The following ZDHHC3 variants were observed in gnomAD, a reference collection of about 807,000 sequenced individuals.
ZDHHC3 encodes the protein palmitoyltransferase ZDHHC3.
Under a neutral mutation model 30.6 loss-of-function variants are expected in ZDHHC3, and 9 were observed. The ratio of observed to expected loss-of-function variants is 0.29; its 90% CI spans 0.18 to 0.51. The LOEUF (loss-of-function observed/expected upper bound fraction) is 0.51, where lower values mean the gene tolerates loss of function less well. Among genes scored for constraint, ZDHHC3 ranks in the 20% least tolerant of loss-of-function variants. The pLI is 0.97. For synonymous variants in ZDHHC3, 136 were observed against 140.2 expected (o/e 0.97, Z 0.21); for missense variants, 246 against 384.2 (o/e 0.64, Z 3.01).
chr3:44,929,207 T>C (rs1192692623), intron 6 of ZDHHC3, 99 bp downstream of exon 6: 1 of 1,483,076 alleles, frequency 6.7e-7, no homozygotes, highest in African/African-American at 1.4e-5. Flanking sequence ...GCCTGACCAC[T>C]GGGCTCCAGT....
intron 1 of ZDHHC3, among the ~76,000 whole-genome samples, chr3:44,973,860 C>T (rs541759597): frequency 1.3e-5 from 2 of 152,238 alleles, no homozygotes; most frequent in African/African-American, 4.8e-5. Flanking sequence ...ATACACAAAC[C>T]TACAGAATAG....
At chr3:44,973,485 T>A (rs1705575278) in intron 1 of ZDHHC3, among the ~76,000 whole-genome samples, 1 of 152,048 alleles carries the variant, frequency 6.6e-6, no homozygotes, top group African/African-American at 2.4e-5. Context: ...TGAGATGGAG[T>A]TTCGCTCTTG....
Position 44,971,110 on chromosome 3 carries a change from A to G in ZDHHC3, c.-25+4823T>C, listed in dbSNP as rs191464469. ...TGGTTTAGAAACATACACTTCACAT[A>G]CTGAAGACTTTACTGCAACAGGACT... On this transcript the variant is annotated intron_variant, in intron 1 of 6. Coordinates refer to ENST00000424952, the MANE Select transcript of ZDHHC3 (RefSeq NM_001135179.2). Among the ~76,000 whole-genome samples, 59 of 152,322 alleles carry G rather than the reference A, an allele frequency of 3.9e-4. No individual in the cohort carries two copies. The East Asian group carries it at 9.1e-3, about 23-fold the overall frequency.
chr3:44,976,131 C>G lies in ZDHHC3; in HGVS notation c.-223G>C, dbSNP rs1012961773. The G allele has an allele frequency of 3.6e-6, 2 of 561,014 alleles. No individual in the cohort carries two copies. The highest frequency in any genetic ancestry group is 4.0e-5 in the African/African-American group (2 of 50,236). The allele number at this position is 561,014 out of a possible 1,614,324, so 34.8% of individuals were successfully genotyped here. On this transcript the variant is annotated 5_prime_UTR_variant, in exon 1 of 7. Transcript: ENST00000424952. ...GGAGAAGCCCATCGAGCTCTCCCGGCAGTGGCGGCGGCCGCGGCTGCAGGA... is the reference window on the plus strand; with the variant it reads ...GGAGAAGCCCATCGAGCTCTCCCGGGAGTGGCGGCGGCCGCGGCTGCAGGA...
intron 1 of ZDHHC3, among the ~76,000 whole-genome samples, chr3:44,965,047 G>A (rs1704821622): frequency 6.6e-6 from 1 of 152,162 alleles, no homozygotes; most frequent in Non-Finnish European, 1.5e-5. Flanking sequence ...CCTAGTGCCA[G>A]CAATCCTGAT....
intron 1 of ZDHHC3, among the ~76,000 whole-genome samples, chr3:44,974,981 C>A (rs1014381158): frequency 6.6e-6 from 1 of 152,014 alleles, no homozygotes; most frequent in South Asian, 2.1e-4. Flanking sequence ...CTAAAGGTAG[C>A]ACAAAGCCTA....
intron 2 of ZDHHC3, among the ~76,000 whole-genome samples, chr3:44,956,165 A>C (rs1703936474): frequency 6.6e-6 from 1 of 152,194 alleles, no homozygotes; most frequent in Non-Finnish European, 1.5e-5. Flanking sequence ...CATGTATGTG[A>C]GGGCAGTGGG....
intron 1 of ZDHHC3, among the ~76,000 whole-genome samples, chr3:44,972,038 C>T (rs1417290662): frequency 6.6e-6 from 1 of 152,118 alleles, no homozygotes; most frequent in Non-Finnish European, 1.5e-5. Flanking sequence ...AACAGATCTA[C>T]AGGCAAAACG....
chr3:44,972,013 A>G (rs1394723904), intron 1 of ZDHHC3, among the ~76,000 whole-genome samples: 2 of 152,178 alleles, frequency 1.3e-5, no homozygotes, highest in Non-Finnish European at 2.9e-5. Flanking sequence ...GGACAAATGC[A>G]AAGTGTTTAA....
At chr3:44,948,344 G>T (rs1377732525) in intron 2 of ZDHHC3, among the ~76,000 whole-genome samples, 3 of 152,164 alleles carry the variant, frequency 2.0e-5, no homozygotes, top group African/African-American at 7.2e-5. Flanking sequence ...AGCCACTGAA[G>T]AAACAGAAAA....
chr3:44,939,549 T>C (rs111729775), intron 3 of ZDHHC3, among the ~76,000 whole-genome samples: 4,244 of 152,340 alleles, frequency 0.028, 162 homozygotes, highest in African/African-American at 0.092. Context: ...TCCCTGCTCC[T>C]GGCTCCTGAG....
At chr3:44,965,817 G>T (rs1261729522) in intron 1 of ZDHHC3, among the ~76,000 whole-genome samples, 1 of 152,188 alleles carries the variant, frequency 6.6e-6, no homozygotes, top group African/African-American at 2.4e-5. Flanking sequence ...TATAAGACAA[G>T]ATCCCACACT....
intron 2 of ZDHHC3, among the ~76,000 whole-genome samples, chr3:44,952,379 C>A (rs931003609): frequency 1.3e-5 from 2 of 152,198 alleles, no homozygotes; most frequent in Non-Finnish European, 2.9e-5. Flanking sequence ...AGAGCATCTC[C>A]CAGGTCTTCC....
intron 1 of ZDHHC3, among the ~76,000 whole-genome samples, chr3:44,972,997 G>C (rs1052769390): frequency 6.6e-6 from 1 of 152,126 alleles, no homozygotes; most frequent in African/African-American, 2.4e-5. Context: ...TTGGAGTTAA[G>C]CTCTTATTCT....
rs1320992481 is a variant in ZDHHC3, at chr3:44,916,438, T to A, written c.*10251A>T. ...GAGGCTGCACCTCCAAACACTGACC[T>A]TCTTCTCCTCTGAACTGCAGCCACA... On this transcript the variant is annotated 3_prime_UTR_variant, in exon 7 of 7. Transcript: ENST00000424952. 2.0e-5 allele frequency: 3 copies of A among 152,402 alleles called. No individual in the cohort carries two copies. The highest frequency in any genetic ancestry group is 3.9e-4 in the East Asian group (2 of 5,162). 9.4% of individuals were successfully genotyped at this position (152,402 alleles called of 1,614,324 possible).
Position 44,933,927 on chromosome 3 carries a change from A to G in ZDHHC3, c.489T>C (p.Cys163=). The change falls in exon 4 of 7, where the codon TGT becomes TGC. Residue 163 remains cysteine (C), a synonymous_variant. Transcript: ENST00000424952. ...MDHHCPWVNN[C]VGENNQKYFV... ...AGTACTTCTGGTTGTTCTCGCCTAC[A>G]CAGTTGTTGACCCAGGGACAGTGGT... 1 of 1,614,180 alleles carries G rather than the reference A, an allele frequency of 6.2e-7. No individual in the cohort carries two copies. The highest frequency in any genetic ancestry group is 1.7e-5 in the Admixed American group (1 of 60,032).
At position 44,924,900 on chromosome 3, in the gene ZDHHC3, G is replaced by C. The variant is rs937515730; in HGVS notation, c.*1789C>G. On this transcript the variant is annotated 3_prime_UTR_variant, in exon 7 of 7. Coordinates refer to ENST00000424952, the MANE Select transcript of ZDHHC3 (RefSeq NM_001135179.2). Reference sequence around the variant, plus strand: ...GCATGAATAGCACCGTAGACACGAGGTAAAGTTAACTGACTCAGGAAAGCT... The same window carrying C: ...GCATGAATAGCACCGTAGACACGAGCTAAAGTTAACTGACTCAGGAAAGCT... 1 of 985,420 alleles carries C rather than the reference G, an allele frequency of 1.0e-6. No homozygotes were observed. Among genetic ancestry groups the C allele is most frequent in the Non-Finnish European group, 1.2e-6 (1 of 829,946 alleles). 61.0% of individuals were successfully genotyped at this position (985,420 alleles called of 1,614,324 possible).
chr3:44,974,471 G>C (rs1386050509), intron 1 of ZDHHC3, among the ~76,000 whole-genome samples: 1 of 152,086 alleles, frequency 6.6e-6, no homozygotes. Flanking sequence ...GCAATCTCTA[G>C]CACATCTAGA....
Position 44,945,233 on chromosome 3 carries a change from A to T in ZDHHC3, c.366T>A (p.Pro122=), listed in dbSNP as rs763010870. The change falls in exon 3 of 7, where the codon CCT becomes CCA. Residue 122 remains proline, a synonymous_variant. Transcript: ENST00000424952. ...TGGGGCACTTGTACACCACCTGCCC[A>T]GGCTTCAACTGTAAACTCTCGATGA... ...KEFIESLQLK[P]GQVVYKCPKC... The T allele has an allele frequency of 7.4e-6, 12 of 1,614,140 alleles. No homozygotes were observed. The highest frequency in any genetic ancestry group is 3.3e-5 in the Admixed American group (2 of 60,014).
Sources: allele counts gnomAD v4.1 joint callset (sites outside exome capture counted in the v4.1 genomes callset), GRCh38; gene constraint gnomAD v4.1.1; transcripts MANE v1.5; gene names NCBI Gene and HGNC (gene_info 2026-07-23, HGNC 2026-07-21).